NAT10: variants seen among roughly 807,000 people sequenced by gnomAD.
NAT10 encodes N-acetyltransferase 10, also known as RNA cytidine acetyltransferase.
NAT10 carries 109 observed loss-of-function variants against 132.2 expected under a neutral mutation model. That is an observed-to-expected ratio of 0.82 (90% CI 0.71 to 0.97). NAT10 has a LOEUF of 0.97. NAT10 is among the 50% of genes least tolerant of loss of function. The pLI is 0.00. For synonymous variants in NAT10, 479 were observed against 478.0 expected, an observed-to-expected ratio of 1.00 and a Z score of -0.03; for missense variants, 1,184 against 1,263.4, an observed-to-expected ratio of 0.94 and a Z score of 0.95.
At chr11:34,106,782 G>C (rs1380470386) in intron 1 of NAT10, among the ~76,000 whole-genome samples, 2 of 152,194 alleles carry the variant, frequency 1.3e-5, no homozygotes, top group Non-Finnish European at 2.9e-5. Context: ...GTCCTTGACA[G>C]TGACTTAGTG....
Position 34,105,647 on chromosome 11 carries a change from G to A in NAT10, c.-161G>A, listed in dbSNP as rs1851578795. ...GTCTACCAGTTCCTGAGAGGGACGC[G>A]TGCCGCGGAGCCAGGCTTACTACGT... On this transcript the variant is annotated 5_prime_UTR_variant, in exon 1 of 29. The change creates a new upstream start codon in the 5' untranslated region. Transcript: ENST00000257829. The A allele has an allele frequency of 6.6e-6, 1 of 152,344 alleles. No homozygotes were observed. Among genetic ancestry groups the A allele is most frequent in the South Asian group, 2.1e-4 (1 of 4,838 alleles). The allele number at this position is 152,344 out of a possible 1,614,324, so 9.4% of individuals were successfully genotyped here. A position where few individuals can be genotyped will look rare whatever the true frequency, so the allele number is the denominator to read the frequency against.
chr11:34,146,177 G>T lies in NAT10; in HGVS notation c.3063G>T (p.Leu1021=), dbSNP rs947559150. The T allele has an allele frequency of 3.1e-6, 5 of 1,602,438 alleles. No homozygotes were observed. Among genetic ancestry groups the T allele is most frequent in the Non-Finnish European group, 4.3e-6 (5 of 1,173,912 alleles). ...RETKNKKDMK[L]KRKK is the part of the protein sequence containing the mutation. ...CAAAGAACAAAAAAGATATGAAACTGAAGCGGAAGAAATAGTGAAGAGAAA... is the reference window on the plus strand; with the variant it reads ...CAAAGAACAAAAAAGATATGAAACTTAAGCGGAAGAAATAGTGAAGAGAAA... Residue 1021 remains leucine (L), a synonymous_variant, in exon 29 of 29, where the codon CTG becomes CTT. Transcript: ENST00000257829.
chr11:34,118,433 AGTT>A lies in NAT10; in HGVS notation c.712_714del (p.Leu238del). The A allele has an allele frequency of 6.2e-7, 1 of 1,613,920 alleles. No homozygotes were observed. Among genetic ancestry groups the A allele is most frequent in the South Asian group, 1.1e-5 (1 of 91,068 alleles). On this transcript the variant is annotated inframe_deletion, in exon 8 of 29. Transcript: ENST00000257829. ...GGTCCTTCTGATCTGGAGCTGAGGG[AGTT>A]GAAGGAGAGCTTGCAGGACACCCAG...
In NAT10 at chr11:34,118,067, C is replaced by T. The variant is rs1851814919; in HGVS notation, c.558-113C>T. On this transcript the variant is annotated intron_variant, in intron 6 of 28. Coordinates refer to ENST00000257829, the MANE Select transcript of NAT10 (RefSeq NM_024662.3). ...CTCTCCAACTAGGTTTTAGCTTTTT[C>T]TGGCTTTCTTAGAGACACTTGGGGC... 1.1e-5 allele frequency: 9 copies of T among 804,628 alleles called. No homozygotes were observed. In the South Asian group the frequency reaches 1.4e-4, roughly 13 times the overall value. The allele number at this position is 804,628 out of a possible 1,614,324, so 49.8% of individuals were successfully genotyped here.
intron 6 of NAT10, among the ~76,000 whole-genome samples, chr11:34,117,057 A>G (rs906674371): frequency 6.6e-6 from 1 of 152,162 alleles, no homozygotes. Context: ...TTAAGAGGGA[A>G]CATATGAGGA....
At chr11:34,134,484 A>T in intron 17 of NAT10, 28 bp from the exon 18 acceptor site, 2 of 1,613,918 alleles carry the variant, frequency 1.2e-6, no homozygotes, top group Non-Finnish European at 1.7e-6. Flanking sequence ...CTGTGTTGCT[A>T]AGTTACTGGT....
chr11:34,136,313 C>T (rs1852211004), intron 19 of NAT10, among the ~76,000 whole-genome samples: 1 of 152,104 alleles, frequency 6.6e-6, no homozygotes, highest in African/African-American at 2.4e-5. Context: ...AACTCCTGAC[C>T]TCAGGTGATC....
intron 8 of NAT10, among the ~76,000 whole-genome samples, chr11:34,119,963 C>T (rs1274505491): frequency 2.0e-5 from 3 of 152,120 alleles, no homozygotes; most frequent in Admixed American, 2.0e-4. Flanking sequence ...TGTGGAAATG[C>T]CTTTTTCTCT....
intron 24 of NAT10, among the ~76,000 whole-genome samples, 155 bp downstream of exon 24, chr11:34,140,727 A>G (rs1852311212): frequency 6.6e-6 from 1 of 152,076 alleles, no homozygotes; most frequent in Non-Finnish European, 1.5e-5. Context: ...CAGGTCAGGA[A>G]ACCTGGGCTC....
Position 34,138,978 on chromosome 11 carries a change from A to G in NAT10, c.2212-213A>G, listed in dbSNP as rs892783354. The G allele has an allele frequency of 7.2e-6, 4 of 551,742 alleles. No homozygotes were observed. In the African/African-American group the frequency reaches 7.6e-5, roughly 10 times the overall value. The allele number at this position is 551,742 out of a possible 1,614,324, so 34.2% of individuals were successfully genotyped here. On this transcript the variant is annotated intron_variant, in intron 21 of 28. Coordinates refer to ENST00000257829, the MANE Select transcript of NAT10 (RefSeq NM_024662.3). Reference sequence around the variant, plus strand: ...GACACTTTTGAGGAGATTGCAGGACAGTGATCTTTGCAGCTGTTGTGTGTG... The same window carrying G: ...GACACTTTTGAGGAGATTGCAGGACGGTGATCTTTGCAGCTGTTGTGTGTG...
chr11:34,143,365 TGTTGTCACTGTC>T, intron 27 of NAT10, 68 bp from the exon 28 acceptor site: 1 of 1,229,214 alleles, frequency 8.1e-7, no homozygotes, highest in African/African-American at 1.5e-5. Flanking sequence ...CTGATAAGAA[TGTTGTCACTGTC>T]GTTATTTTCT....
chr11:34,109,884 G>GT (rs1851663912), intron 3 of NAT10, among the ~76,000 whole-genome samples: 1 of 152,138 alleles, frequency 6.6e-6, no homozygotes, highest in Non-Finnish European at 1.5e-5. Flanking sequence ...AACAACACTT[G>GT]CGTTTTCCTT....
At chr11:34,135,969 GA>G (rs765037084) in intron 19 of NAT10, among the ~76,000 whole-genome samples, 13 of 150,730 alleles carry the variant, frequency 8.6e-5, no homozygotes, top group East Asian at 5.9e-4. Flanking sequence ...CTCAAGCAAT[GA>G]AAAAAAAAGT....
chr11:34,136,670 C>T lies in NAT10; in HGVS notation c.2057C>T (p.Thr686Ile). The T allele has an allele frequency of 6.2e-7, 1 of 1,614,182 alleles. No homozygotes were observed. Among genetic ancestry groups the T allele is most frequent in the Non-Finnish European group, 8.5e-7 (1 of 1,180,032 alleles). Residue 686 changes from threonine (T) to isoleucine (I), a missense_variant, in exon 20 of 29, where the codon ACT (threonine) becomes ATT (isoleucine). Coordinates refer to ENST00000257829, the MANE Select transcript of NAT10 (RefSeq NM_024662.3). ...EAVSLLEEVI[T>I]PRKDLPPLLL... is the part of the protein sequence containing the mutation. ...GTCAGCTTGTTGGAAGAGGTCATCA[C>T]TCCCCGGAAGGACCTGCCTCCTTTA...
rs114599469 is a variant in NAT10 at position 34,128,680 on chromosome 11, A to G, written c.1244+1081A>G. ...GGATTTTTACTTTTCAAACAGCTTT[A>G]TTGAGATATAACTCACATACTGTAC... On this transcript the variant is annotated intron_variant, in intron 12 of 28. Transcript: ENST00000257829. Among the ~76,000 whole-genome samples, 939 of 152,338 alleles carry G rather than the reference A, an allele frequency of 6.2e-3. 14 individuals carry two copies. The highest frequency in any genetic ancestry group is 0.021 in the African/African-American group (893 of 41,572).
Position 34,134,377 on chromosome 11 carries a change from A to G in NAT10, c.1793A>G (p.Lys598Arg). 6.2e-7 allele frequency: 1 copy of G among 1,614,248 alleles called. No homozygotes were observed. The highest frequency in any genetic ancestry group is 8.5e-7 in the Non-Finnish European group (1 of 1,180,040). ...ATCTTGAACAGTCTGTCTCGAGGCA[A>G]GAAGGCTTCAGGGGACCTGATTCCA... ...QSILNSLSRGKKASGDLIPWT... is the reference protein window; with the variant it reads ...QSILNSLSRGRKASGDLIPWT... The change falls in exon 17 of 29, where the codon AAG becomes AGG. Residue 598 changes from lysine to arginine, a missense_variant. By Grantham distance (26) the Lys-to-Arg change is conservative. Coordinates refer to ENST00000257829, the MANE Select transcript of NAT10 (RefSeq NM_024662.3).
chr11:34,141,902 CT>C, intron 26 of NAT10, 85 bp downstream of exon 26: 1 of 1,161,242 alleles, frequency 8.6e-7, no homozygotes, highest in Non-Finnish European at 1.3e-6. Context: ...TCCCCTTCCC[CT>C]TTAGAAAGAG....
chr11:34,118,738 AATTATT>A (rs1355714606), intron 8 of NAT10, among the ~76,000 whole-genome samples: 1 of 151,922 alleles, frequency 6.6e-6, no homozygotes, highest in African/African-American at 2.4e-5. Flanking sequence ...AGAGCAGATG[AATTATT>A]ATTATTATTA....
At chr11:34,114,285 T>C (rs1365110804) in intron 5 of NAT10, among the ~76,000 whole-genome samples, 5 of 152,166 alleles carry the variant, frequency 3.3e-5, no homozygotes, top group Non-Finnish European at 5.9e-5. Context: ...CCAGCAGAGA[T>C]TGTGTTCTCC....
Sources: allele counts gnomAD v4.1 joint callset (sites outside exome capture counted in the v4.1 genomes callset), GRCh38; gene constraint gnomAD v4.1.1; transcripts MANE v1.5; gene names NCBI Gene and HGNC (gene_info 2026-07-23, HGNC 2026-07-21).